Variants in CCDC141 observed in about 807,000 individuals in gnomAD.
The protein encoded by CCDC141 is coiled-coil domain-containing protein 141.
In CCDC141, 168 loss-of-function variants were observed where a neutral mutation model predicts 181.0. That is an observed-to-expected ratio of 0.93 (90% CI 0.82 to 1.05). CCDC141 has a LOEUF of 1.05. Among genes scored for constraint, CCDC141 ranks in the 50% least tolerant of loss-of-function variants. The pLI is 0.00. For synonymous variants in CCDC141, 666 were observed against 642.3 expected, an observed-to-expected ratio of 1.04 and a Z score of -0.56; for missense variants, 1,902 against 1,788.5, an observed-to-expected ratio of 1.06 and a Z score of -1.14.
chr2:178,844,396 C>T (rs867114721), intron 22 of CCDC141, among the ~76,000 whole-genome samples: 10 of 152,086 alleles, frequency 6.6e-5, no homozygotes, highest in Middle Eastern at 3.2e-3. Flanking sequence ...TAGGACAGCT[C>T]CCCACAACAG....
At chr2:179,007,171 A>T (rs754589139) in intron 2 of CCDC141, among the ~76,000 whole-genome samples, 3 of 152,182 alleles carry the variant, frequency 2.0e-5, no homozygotes, top group Admixed American at 6.5e-5. Flanking sequence ...TTCACTAGTT[A>T]CAAATTTGGT....
rs267599099 is a variant in CCDC141, at chr2:178,856,328, C to T, written c.2794G>A (p.Glu932Lys). 1.2e-6 allele frequency: 2 copies of T among 1,610,980 alleles called. No individual in the cohort carries two copies. Among genetic ancestry groups the T allele is most frequent in the South Asian group, 2.2e-5 (2 of 90,628 alleles). ...AGCGCCTTCAGATTCCGAGATTTTT[C>T]ATTTTTCTTAGTGTAATTAAACTTC... ...NLKFNYTKKN[E>K]KSRNLKALKY... Residue 932 changes from glutamate to lysine, a missense_variant, in exon 18 of 24, where the codon GAA becomes AAA. Transcript: ENST00000443758.
intron 2 of CCDC141, among the ~76,000 whole-genome samples, chr2:179,015,893 CAT>C (rs537337823): frequency 7.7e-6 from 1 of 129,034 alleles, no homozygotes; most frequent in African/African-American, 3.3e-5. Context: ...ATATATATCT[CAT>C]ATATGTATCA....
At chr2:179,020,305 A>G (rs1470985164) in intron 2 of CCDC141, among the ~76,000 whole-genome samples, 1 of 152,064 alleles carries the variant, frequency 6.6e-6, no homozygotes, top group African/African-American at 2.4e-5. Context: ...ACTCCTATCC[A>G]GTGTGCCAGA....
At chr2:178,836,611 G>T in intron 23 of CCDC141, 1 of 267,350 alleles carries the variant, frequency 3.7e-6, no homozygotes, top group Non-Finnish European at 7.1e-6. Context: ...TAGAAATGTG[G>T]AATGTTAAAC....
At chr2:179,013,885 G>A (rs979594928) in intron 2 of CCDC141, among the ~76,000 whole-genome samples, 1 of 144,142 alleles carries the variant, frequency 6.9e-6, no homozygotes, top group Non-Finnish European at 1.5e-5. Context: ...GTGAACCTGG[G>A]AGGTGGAACT....
intron 8 of CCDC141, among the ~76,000 whole-genome samples, chr2:178,899,230 T>C (rs923641087): frequency 2.6e-5 from 4 of 152,214 alleles, no homozygotes; most frequent in African/African-American, 7.2e-5. Context: ...AGCCTAGCTA[T>C]GTAGTAGGCT....
intron 2 of CCDC141, among the ~76,000 whole-genome samples, chr2:179,003,997 G>A (rs2042055769): frequency 6.6e-6 from 1 of 152,018 alleles, no homozygotes; most frequent in Non-Finnish European, 1.5e-5. Flanking sequence ...GAGGTGGAGG[G>A]TACAAACATC....
chr2:178,900,559 A>G (rs554344391), intron 8 of CCDC141, among the ~76,000 whole-genome samples: 61 of 152,168 alleles, frequency 4.0e-4, no homozygotes, highest in Non-Finnish European at 8.2e-4. Context: ...CTCTTGGCAC[A>G]TAAAGAAGCA....
rs1690384252 is a variant in CCDC141 at position 178,961,271 on chromosome 2, G to C, written c.739C>G (p.Gln247Glu). 6.4e-7 allele frequency: 1 copy of C among 1,550,390 alleles called. No individual in the cohort carries two copies. The highest frequency in any genetic ancestry group is 8.7e-7 in the Non-Finnish European group (1 of 1,146,866). ...TCCCACTGACATATCTGCAGAACTT[G>C]ACTCAATTCTTGCCACTGTTGCTTC... ...YLKQQWQELS[Q>E]VLQICQWDQQ... Residue 247 changes from glutamine to glutamate, a missense_variant, in exon 5 of 24, where the codon CAA becomes GAA. Transcript: ENST00000443758.
intron 18 of CCDC141, 31 bp downstream of exon 18, chr2:178,856,226 C>CGCA (rs1182293261): frequency 6.4e-7 from 1 of 1,560,740 alleles, no homozygotes; most frequent in Non-Finnish European, 8.7e-7. Flanking sequence ...CATACACATG[C>CGCA]GCACATATAC....
chr2:178,989,669 T>G (rs1691948393), intron 2 of CCDC141, among the ~76,000 whole-genome samples: 1 of 147,298 alleles, frequency 6.8e-6, no homozygotes, highest in Non-Finnish European at 1.5e-5. Context: ...AACAATACAA[T>G]CATAAAATGG....
At chr2:179,019,315 A>G (rs1190473748) in intron 2 of CCDC141, among the ~76,000 whole-genome samples, 1 of 152,152 alleles carries the variant, frequency 6.6e-6, no homozygotes, top group Non-Finnish European at 1.5e-5. Flanking sequence ...AAGCACCTTT[A>G]TATTTATAAA....
chr2:178,848,947 T>C (rs1303723315), intron 21 of CCDC141, among the ~76,000 whole-genome samples: 1 of 152,148 alleles, frequency 6.6e-6, no homozygotes, highest in East Asian at 1.9e-4. Flanking sequence ...AATTTATGTG[T>C]GGGTAATAAT....
At chr2:178,933,890 C>T (rs1381701898) in intron 6 of CCDC141, among the ~76,000 whole-genome samples, 1 of 152,162 alleles carries the variant, frequency 6.6e-6, no homozygotes, top group South Asian at 2.1e-4. Context: ...CTAAAAGAAA[C>T]GTATTACTGG....
In CCDC141 at chr2:178,918,914, G is replaced by T. The variant is rs1043693874; in HGVS notation, c.898-7C>A. On this transcript the variant is annotated splice_polypyrimidine_tract_variant and splice_region_variant and intron_variant, in intron 6 of 23. Coordinates refer to ENST00000443758, the MANE Select transcript of CCDC141 (RefSeq NM_173648.4). The stretch of plus-strand genomic sequence containing the variant: ...CAACAGCAGAATTCCATTCCTGCAA[G>T]AGATTATTCTTATTATTTTATACAT... 2 of 1,548,036 alleles carry T rather than the reference G, an allele frequency of 1.3e-6. No individual in the cohort carries two copies. The highest frequency in any genetic ancestry group is 4.9e-5 in the East Asian group (2 of 40,906).
chr2:178,879,011 T>C (rs1203793258), intron 11 of CCDC141, among the ~76,000 whole-genome samples: 6 of 152,188 alleles, frequency 3.9e-5, no homozygotes. Context: ...CAAAGTATAA[T>C]ACTAAACTGC....
At chr2:178,878,915 A>G (rs1355332043) in intron 11 of CCDC141, among the ~76,000 whole-genome samples, 4 of 152,208 alleles carry the variant, frequency 2.6e-5, no homozygotes, top group African/African-American at 7.2e-5. Flanking sequence ...AATACAGGCC[A>G]GTGAAAGATT....
At chr2:179,027,082 TTAA>T (rs1165407440) in intron 2 of CCDC141, among the ~76,000 whole-genome samples, 1 of 152,126 alleles carries the variant, frequency 6.6e-6, no homozygotes, top group African/African-American at 2.4e-5. Context: ...GACTTTTGAG[TTAA>T]TACTGAAATG....
Sources: allele counts gnomAD v4.1 joint callset (sites outside exome capture counted in the v4.1 genomes callset), GRCh38; gene constraint gnomAD v4.1.1; transcripts MANE v1.5; gene names NCBI Gene and HGNC (gene_info 2026-07-23, HGNC 2026-07-21).